Variants in LRRC4C observed in about 807,000 individuals in gnomAD.
LRRC4C encodes leucine-rich repeat-containing protein 4C.
LRRC4C carries 5 observed loss-of-function variants against 33.6 expected under a neutral mutation model. The observed-to-expected ratio is 0.15, with a 90% CI of 0.08 to 0.31. The LOEUF is 0.31. Among genes scored for constraint, LRRC4C ranks in the 10% least tolerant of loss-of-function variants. LRRC4C has a pLI of 1.00. For missense variants in LRRC4C, 560 were observed against 796.7 expected, an observed-to-expected ratio of 0.70 and a Z score of 3.58; for synonymous variants, 329 against 302.0, an observed-to-expected ratio of 1.09 and a Z score of -0.93.
chr11:40,604,960 G>T (rs1210513823), intron 3 of LRRC4C, among the ~76,000 whole-genome samples: 1 of 152,116 alleles, frequency 6.6e-6, no homozygotes, highest in African/African-American at 2.4e-5. Flanking sequence ...TCCCTAAGCA[G>T]GGAGGATATT....
At chr11:40,927,722 C>A (rs1450146927) in intron 2 of LRRC4C, among the ~76,000 whole-genome samples, 2 of 151,718 alleles carry the variant, frequency 1.3e-5, no homozygotes, top group African/African-American at 2.4e-5. Context: ...TAGCAAAGGG[C>A]ATATTGATTA....
intron 2 of LRRC4C, among the ~76,000 whole-genome samples, chr11:40,902,239 T>C (rs1264068185): frequency 1.3e-5 from 2 of 152,250 alleles, no homozygotes; most frequent in African/African-American, 4.8e-5. Context: ...ATATCTGTTA[T>C]GGTGCTCGTG....
At position 41,096,648 on chromosome 11, in the gene LRRC4C, G is replaced by A. The variant is rs145306261; in HGVS notation, c.-495-162925C>T. On this transcript the variant is annotated intron_variant, in intron 1 of 6. Transcript: ENST00000528697. ...AGAAAGGGAAACAGAAGATAAAGGA[G>A]GGAGAAAGAAGAGAGGCCAGGAGGA... 6.5e-3 allele frequency among the ~76,000 whole-genome samples: 988 copies of A among 152,264 alleles called. 14 individuals carry two copies. Among genetic ancestry groups the A allele is most frequent in the African/African-American group, 0.022 (925 of 41,564 alleles).
At chr11:40,899,525 C>T (rs1223117938) in intron 2 of LRRC4C, among the ~76,000 whole-genome samples, 3 of 152,136 alleles carry the variant, frequency 2.0e-5, no homozygotes, top group African/African-American at 7.2e-5. Flanking sequence ...ACAGCTAGCA[C>T]AACTCTGATT....
chr11:40,872,411 C>T (rs150749928), intron 2 of LRRC4C, among the ~76,000 whole-genome samples: 22 of 151,850 alleles, frequency 1.4e-4, no homozygotes, highest in Admixed American at 1.2e-3. Flanking sequence ...TTTATAAAGT[C>T]GAAGCAAAAT....
At chr11:41,300,104 G>A (rs998726026) in intron 1 of LRRC4C, among the ~76,000 whole-genome samples, 3 of 152,168 alleles carry the variant, frequency 2.0e-5, no homozygotes, top group Non-Finnish European at 1.5e-5. Context: ...GGTCAATGTA[G>A]TCACAGTGAG....
At chr11:41,184,579 G>A (rs1414757643) in intron 1 of LRRC4C, among the ~76,000 whole-genome samples, 2 of 152,094 alleles carry the variant, frequency 1.3e-5, no homozygotes, top group Non-Finnish European at 2.9e-5. Flanking sequence ...ATCAGTATCA[G>A]CATTTTTGCC....
chr11:41,293,997 A>G (rs1281586779), intron 1 of LRRC4C, among the ~76,000 whole-genome samples: 2 of 152,184 alleles, frequency 1.3e-5, no homozygotes, highest in Non-Finnish European at 2.9e-5. Flanking sequence ...TAAATGAAAG[A>G]CAATTGAACT....
intron 2 of LRRC4C, among the ~76,000 whole-genome samples, chr11:40,911,503 A>C (rs1956687825): frequency 6.6e-6 from 1 of 152,226 alleles, no homozygotes; most frequent in Non-Finnish European, 1.5e-5. Context: ...TTAGAAGGAA[A>C]ACTAACAAAC....
chr11:40,468,726 G>A (rs1452664344), intron 3 of LRRC4C, among the ~76,000 whole-genome samples: 1 of 152,012 alleles, frequency 6.6e-6, no homozygotes, highest in African/African-American at 2.4e-5. Context: ...GAAATAGATT[G>A]TTACTCAATC....
At chr11:40,602,593 G>C (rs111533644) in intron 3 of LRRC4C, among the ~76,000 whole-genome samples, 1 of 152,038 alleles carries the variant, frequency 6.6e-6, no homozygotes, top group Non-Finnish European at 1.5e-5. Flanking sequence ...AGGGAGAAAA[G>C]AAAATGAAGG....
intron 3 of LRRC4C, among the ~76,000 whole-genome samples, chr11:40,536,229 C>CT (rs1251888824): frequency 6.6e-6 from 1 of 151,996 alleles, no homozygotes; most frequent in Non-Finnish European, 1.5e-5. Context: ...GCGTCTCACT[C>CT]TGTTGCCAGG....
intron 1 of LRRC4C, among the ~76,000 whole-genome samples, chr11:41,281,381 A>G (rs1949673978): frequency 6.6e-6 from 1 of 152,180 alleles, no homozygotes; most frequent in African/African-American, 2.4e-5. Context: ...CAACGTATAA[A>G]TATTCATGGC....
chr11:40,451,522 A>T (rs992667863), intron 3 of LRRC4C, among the ~76,000 whole-genome samples: 7 of 151,346 alleles, frequency 4.6e-5, no homozygotes, highest in African/African-American at 1.7e-4. Flanking sequence ...AGTAGCTGGG[A>T]CTACAGGTGT....
At chr11:40,459,118 G>C (rs1036232455) in intron 3 of LRRC4C, among the ~76,000 whole-genome samples, 1 of 152,094 alleles carries the variant, frequency 6.6e-6, no homozygotes, top group Admixed American at 6.6e-5. Flanking sequence ...ACCAGCTACT[G>C]AGTACTTTCT....
chr11:41,275,692 C>T (rs1949461888), intron 1 of LRRC4C, among the ~76,000 whole-genome samples: 1 of 152,132 alleles, frequency 6.6e-6, no homozygotes, highest in African/African-American at 2.4e-5. Flanking sequence ...GAAGGATGCT[C>T]ACTGCTACAC....
At chr11:40,305,091 C>A (rs1209052094) in intron 4 of LRRC4C, among the ~76,000 whole-genome samples, 1 of 152,200 alleles carries the variant, frequency 6.6e-6, no homozygotes, top group Non-Finnish European at 1.5e-5. Context: ...CCTCTCCAGG[C>A]ATATGGGCAT....
chr11:40,605,365 C>T (rs57847266), intron 3 of LRRC4C, among the ~76,000 whole-genome samples: 3,235 of 152,114 alleles, frequency 0.021, 106 homozygotes, highest in African/African-American at 0.074. Context: ...GTCAGTGGGA[C>T]GGCAGAATAG....
At chr11:40,441,455 T>C (rs1219136674) in intron 3 of LRRC4C, among the ~76,000 whole-genome samples, 4 of 152,224 alleles carry the variant, frequency 2.6e-5, no homozygotes, top group African/African-American at 9.6e-5. Flanking sequence ...GGTATTTCTC[T>C]AGCTACTTTT....
Sources: gnomAD v4.1 joint callset for allele counts (sites outside exome capture counted in the v4.1 genomes callset) on GRCh38, gnomAD v4.1.1 for gene constraint, MANE v1.5 for transcripts, NCBI Gene and HGNC (gene_info 2026-07-23, HGNC 2026-07-21) for gene names.